The following SIRPB1 variants were observed in gnomAD, a reference collection of about 807,000 sequenced individuals.
The protein encoded by SIRPB1 is signal-regulatory protein beta-1.
Under a neutral mutation model 34.1 loss-of-function variants are expected in SIRPB1, and 28 were observed. That is an observed-to-expected ratio of 0.82 (90% CI 0.61 to 1.12). The LOEUF (loss-of-function observed/expected upper bound fraction) is 1.12, where lower values mean the gene tolerates loss of function less well. Ranked by LOEUF, SIRPB1 falls within the 50% of genes most tolerant of loss-of-function variation. SIRPB1 has a pLI of 0.00. For synonymous variants in SIRPB1, 211 were observed against 203.8 expected, an observed-to-expected ratio of 1.04 and a Z score of -0.30; for missense variants, 499 against 507.0, an observed-to-expected ratio of 0.98 and a Z score of 0.15.
At chr20:1,566,910 G>A (rs1226164575) in intron 4 of SIRPB1, among the ~76,000 whole-genome samples, 2 of 152,038 alleles carry the variant, frequency 1.3e-5, no homozygotes, top group Admixed American at 6.5e-5. Context: ...GGTGAGTCAG[G>A]GAATGTGCCT....
chr20:1,615,204 G>T (rs915161066), intron 1 of SIRPB1, among the ~76,000 whole-genome samples: 9 of 152,192 alleles, frequency 5.9e-5, no homozygotes, highest in Non-Finnish European at 1.2e-4. Context: ...TCTCTTCTCT[G>T]TAGAGACTTT....
chr20:1,619,503 C>T (rs886455085), intron 1 of SIRPB1, among the ~76,000 whole-genome samples: 1 of 152,228 alleles, frequency 6.6e-6, no homozygotes, highest in African/African-American at 2.4e-5. Context: ...GGGCCTAGAG[C>T]CACATAACCC....
intron 1 of SIRPB1, among the ~76,000 whole-genome samples, chr20:1,617,690 A>C (rs2091649912): frequency 6.6e-6 from 1 of 152,226 alleles, no homozygotes; most frequent in Admixed American, 6.5e-5. Flanking sequence ...GAGAGATCTC[A>C]CCACAGAAAT....
rs1394837093 is a variant in SIRPB1, at chr20:1,594,404, G to A, written c.77-15710C>T. ...AGTAAAAAATTTTTGTAGAAATCAC[G>A]TGCAGAATTCATTTTCAACTTTAGA... On this transcript the variant is annotated intron_variant, in intron 1 of 5. Coordinates refer to ENST00000381605, the MANE Select transcript of SIRPB1 (RefSeq NM_006065.5). 4.1e-5 allele frequency among the ~76,000 whole-genome samples: 2 copies of A among 48,356 alleles called. 1 individual carries two copies. The highest frequency in any genetic ancestry group is 2.7e-4 in the African/African-American group (2 of 7,306). The allele number at this position is 48,356 out of a possible 152,430, so 31.7% of individuals were successfully genotyped here.
Position 1,588,478 on chromosome 20 carries a change from T to C in SIRPB1, c.77-9784A>G. 4.6e-6 allele frequency: 2 copies of C among 430,630 alleles called. 1 individual carries two copies. Among genetic ancestry groups the C allele is most frequent in the South Asian group, 7.9e-5 (2 of 25,366 alleles). 26.7% of individuals were successfully genotyped at this position (430,630 alleles called of 1,614,324 possible). On this transcript the variant is annotated intron_variant, in intron 1 of 5. Transcript: ENST00000381605. ...GGCCTTCCTTGGCAGCACTTGTGGT[T>C]GTCTGGAATCCCCAAAGGTCCAGGG... is the stretch of plus-strand genomic sequence containing the variant.
intron 1 of SIRPB1, among the ~76,000 whole-genome samples, chr20:1,579,097 G>A (rs2091365301): frequency 6.8e-6 from 1 of 147,834 alleles, no homozygotes; most frequent in African/African-American, 2.5e-5. Context: ...GACCACAGGT[G>A]CATTCCACCA....
intron 1 of SIRPB1, among the ~76,000 whole-genome samples, chr20:1,603,384 G>T (rs2091484864): frequency 2.0e-5 from 1 of 49,732 alleles, no homozygotes; most frequent in Non-Finnish European, 3.9e-5. Context: ...AACTCCACAT[G>T]TCTTTCTGAA....
chr20:1,569,652 C>T lies in SIRPB1; in HGVS notation c.1084+1153G>A, dbSNP rs183892729. Reference sequence around the variant, plus strand: ...ACATCATAGGGTGTTTTGGAAGGAACCTGAGTCCTTATTCTTATTTCCTGG... The same window carrying T: ...ACATCATAGGGTGTTTTGGAAGGAATCTGAGTCCTTATTCTTATTTCCTGG... On this transcript the variant is annotated intron_variant, in intron 4 of 5. Transcript: ENST00000381605. Among the ~76,000 whole-genome samples the T allele has an allele frequency of 4.7e-4, 72 of 152,326 alleles. 1 individual carries two copies. Among genetic ancestry groups the T allele is most frequent in the Admixed American group, 4.7e-3 (72 of 15,290 alleles).
intron 1 of SIRPB1, among the ~76,000 whole-genome samples, chr20:1,579,848 T>C (rs1441349460): frequency 3.4e-5 from 5 of 147,934 alleles, no homozygotes; most frequent in Admixed American, 1.3e-4. Flanking sequence ...AGGGGTGAAC[T>C]TGGGGGAGTT....
At position 1,614,940 on chromosome 20, in the gene SIRPB1, C is replaced by T. The variant is rs7360766; in HGVS notation, c.76+4929G>A. Among the ~76,000 whole-genome samples, 381 of 152,236 alleles carry T rather than the reference C, an allele frequency of 2.5e-3. 3 individuals are homozygous for T. Among genetic ancestry groups the T allele is most frequent in the Non-Finnish European group, 3.9e-3 (262 of 68,026 alleles). ...TGGAGTGCTGCCATGGCTCTCCATC[C>T]TGAAGCGAGGATCCTGTTCCAATAT... On this transcript the variant is annotated intron_variant, in intron 1 of 5. Coordinates refer to ENST00000381605, the MANE Select transcript of SIRPB1 (RefSeq NM_006065.5).
intron 4 of SIRPB1, among the ~76,000 whole-genome samples, chr20:1,567,405 A>C (rs2122167547): frequency 6.6e-6 from 1 of 152,266 alleles, no homozygotes; most frequent in South Asian, 2.1e-4. Context: ...TACTGCCTGC[A>C]CTGTGGCTCA....
In SIRPB1 at chr20:1,611,298, T is replaced by C. The variant is rs553233608; in HGVS notation, c.76+8571A>G. 8.4e-5 allele frequency: 64 copies of C among 764,134 alleles called. 27 individuals are homozygous for C. In the African/African-American group the frequency reaches 2.2e-3, roughly 26 times the overall value. 47.3% of individuals were successfully genotyped at this position (764,134 alleles called of 1,614,324 possible). On this transcript the variant is annotated intron_variant, in intron 1 of 5. Transcript: ENST00000381605. ...TGACTGTTGCTCTAAGAATGGATAA[T>C]GTAATTATTGAGTTATTGTCACACA...
chr20:1,619,917 G>C lies in SIRPB1; in HGVS notation c.28C>G (p.Leu10Val). The change falls in exon 1 of 6, where the codon CTT (leucine) becomes GTT (valine). Residue 10 changes from leucine (L) to valine (V), a missense_variant. By Grantham distance (32) the Leu-to-Val change is conservative. Coordinates refer to ENST00000381605, the MANE Select transcript of SIRPB1 (RefSeq NM_006065.5). MPVPASWPH[L>V]PSPFLLMTLL... ...GTCATCAGCAGGAAAGGACTAGGAA[G>C]GTGGGGCCAGGAGGCTGGCACGGGC... The C allele has an allele frequency of 6.2e-7, 1 of 1,613,972 alleles. No individual in the cohort carries two copies. The highest frequency in any genetic ancestry group is 8.5e-7 in the Non-Finnish European group (1 of 1,179,888).
At chr20:1,567,765 G>T (rs139109888) in intron 4 of SIRPB1, among the ~76,000 whole-genome samples, 1 of 152,138 alleles carries the variant, frequency 6.6e-6, no homozygotes, top group Non-Finnish European at 1.5e-5. Context: ...GGAAATGGTC[G>T]TTATAAGAAC....
At position 1,611,714 on chromosome 20, in the gene SIRPB1, C is replaced by T. The variant is rs746447138; in HGVS notation, c.76+8155G>A. On this transcript the variant is annotated intron_variant, in intron 1 of 5. Coordinates refer to ENST00000381605, the MANE Select transcript of SIRPB1 (RefSeq NM_006065.5). ...TGCAGCTCTTCCTCGCCAGCTACCC[C>T]TGGAAAGGAGCACAAAGCAGTCATT... 7 of 893,954 alleles carry T rather than the reference C, an allele frequency of 7.8e-6. 2 individuals are homozygous for T. Among genetic ancestry groups the T allele is most frequent in the Non-Finnish European group, 1.0e-5 (7 of 678,232 alleles). 55.4% of individuals were successfully genotyped at this position (893,954 alleles called of 1,614,324 possible).
In SIRPB1 at chr20:1,562,763, T is replaced by A. The variant is rs2263664; in HGVS notation, c.*2737A>T. ...ATGGCTCTCCTACTCAAACAGCAAA[T>A]CCTATAGTTGGGTTGCCTCCTTGCC... On this transcript the variant is annotated 3_prime_UTR_variant, in exon 6 of 6. Transcript: ENST00000381605. 2.0e-5 allele frequency among the ~76,000 whole-genome samples: 3 copies of A among 152,090 alleles called. No individual in the cohort carries two copies. Among genetic ancestry groups the A allele is most frequent in the Non-Finnish European group, 2.9e-5 (2 of 68,016 alleles).
intron 1 of SIRPB1, among the ~76,000 whole-genome samples, chr20:1,615,606 A>G (rs1183383721): frequency 1.3e-5 from 2 of 152,248 alleles, no homozygotes; most frequent in East Asian, 3.8e-4. Flanking sequence ...GTTCAGCAGC[A>G]TATTAGAAGG....
chr20:1,585,605 G>A lies in SIRPB1; in HGVS notation c.77-6911C>T. Among the ~76,000 whole-genome samples the A allele has an allele frequency of 4.1e-5, 2 of 48,940 alleles. 1 individual carries two copies. Among genetic ancestry groups the A allele is most frequent in the Non-Finnish European group, 7.9e-5 (2 of 25,376 alleles). The allele number at this position is 48,940 out of a possible 152,430, so 32.1% of individuals were successfully genotyped here. ...ACTATCATCAAAAAGATGTTGGAGA[G>A]TATGTGGAGAACAGGAAACCCTGTT... is the stretch of plus-strand genomic sequence containing the variant. On this transcript the variant is annotated intron_variant, in intron 1 of 5. Coordinates refer to ENST00000381605, the MANE Select transcript of SIRPB1 (RefSeq NM_006065.5).
rs142333512 is a variant in SIRPB1 at position 1,578,387 on chromosome 20, A to G, written c.384T>C (p.Pro128=). ...YYCVKFRKGS[P]DDVEFKSGAG... ...CTCCAGACTTAAACTCCACGTCGTCAGGGCTCCCTTTCCGGAACTTCACAC... is the reference window on the plus strand; with the variant it reads ...CTCCAGACTTAAACTCCACGTCGTCGGGGCTCCCTTTCCGGAACTTCACAC... Residue 128 remains proline, a synonymous_variant, in exon 2 of 6, where the codon CCT becomes CCC. Transcript: ENST00000381605. 153 of 1,587,154 alleles carry G rather than the reference A, an allele frequency of 9.6e-5. 13 individuals carry two copies. Among genetic ancestry groups the G allele is most frequent in the Admixed American group, 3.4e-4 (20 of 59,350 alleles).
Sources: allele counts gnomAD v4.1 joint callset (sites outside exome capture counted in the v4.1 genomes callset), GRCh38; gene constraint gnomAD v4.1.1; transcripts MANE v1.5; gene names NCBI Gene and HGNC (gene_info 2026-07-23, HGNC 2026-07-21).